Variants in ANKH observed in about 807,000 individuals in gnomAD.
ANKH encodes the protein ANKH inorganic pyrophosphate transport regulator.
A neutral mutation model predicts 49.0 loss-of-function variants in ANKH; 15 were observed. The observed-to-expected ratio is 0.31, with a 90% confidence interval of 0.20 to 0.47. ANKH has a LOEUF of 0.47. ANKH is among the 20% of genes least tolerant of loss of function. ANKH has a pLI of 1.00. For missense variants in ANKH, 429 were observed against 652.0 expected (o/e 0.66, Z 3.72); for synonymous variants, 273 against 260.0 (o/e 1.05, Z -0.48).
At chr5:14,853,256 G>A (rs958754309) in intron 1 of ANKH, among the ~76,000 whole-genome samples, 5 of 152,154 alleles carry the variant, frequency 3.3e-5, no homozygotes, top group Admixed American at 2.0e-4. Flanking sequence ...TGCATATACA[G>A]AATATCTAAA....
At chr5:14,774,563 G>A (rs1739552266) in intron 1 of ANKH, among the ~76,000 whole-genome samples, 1 of 151,932 alleles carries the variant, frequency 6.6e-6, no homozygotes, top group South Asian at 2.1e-4. Flanking sequence ...TCAGCCTCCC[G>A]AGTAGCTAGG....
intron 1 of ANKH, chr5:14,869,532 A>G (rs1329479086): frequency 1.3e-5 from 2 of 152,258 alleles, no homozygotes; most frequent in Non-Finnish European, 2.9e-5. Flanking sequence ...TACTTTGCTT[A>G]CATCAGCCAT....
In ANKH at chr5:14,751,067, AC is replaced by A; in HGVS notation, c.687+1del. 6.2e-7 allele frequency: 1 copy of A among 1,614,162 alleles called. No individual in the cohort carries two copies. ...AGACTGCTGTTGGGTTGGTAGACGT[AC>A]CCCCAGCTCCGGGCCACTTCTGTCA... On this transcript the variant is annotated splice_donor_variant, in intron 5 of 11. Transcript: ENST00000284268. LOFTEE classifies it high-confidence loss of function.
intron 1 of ANKH, among the ~76,000 whole-genome samples, chr5:14,790,309 A>C (rs1310846924): frequency 6.6e-6 from 1 of 152,244 alleles, no homozygotes; most frequent in East Asian, 1.9e-4. Flanking sequence ...TTGGAACTTA[A>C]GACTAGTCCC....
In ANKH at chr5:14,713,714, C is replaced by T. The variant is rs371127186; in HGVS notation, c.1142-47G>A. 10 of 1,611,790 alleles carry T rather than the reference C, an allele frequency of 6.2e-6. No individual in the cohort carries two copies. In the African/African-American group the frequency reaches 1.2e-4, roughly 19 times the overall value. On this transcript the variant is annotated intron_variant, in intron 9 of 11. Coordinates refer to ENST00000284268, the MANE Select transcript of ANKH (RefSeq NM_054027.6). The surrounding 1 kb of genome is among the most constrained non-coding windows in gnomAD (Gnocchi z 4.4). The stretch of plus-strand genomic sequence containing the variant: ...TCGTCAGCCGTGCCCGCCATCCACT[C>T]CCCATCCTGCTGCCTCTGGACCAGG...
chr5:14,748,507 A>C (rs1469343231), intron 6 of ANKH, among the ~76,000 whole-genome samples: 1 of 152,264 alleles, frequency 6.6e-6, no homozygotes, highest in Non-Finnish European at 1.5e-5. Flanking sequence ...GAGGAAGCCA[A>C]TGAAGTAATT....
intron 9 of ANKH, among the ~76,000 whole-genome samples, chr5:14,714,751 A>T (rs1737380244): frequency 6.6e-6 from 1 of 152,160 alleles, no homozygotes; most frequent in South Asian, 2.1e-4. Context: ...AACAGATTGC[A>T]AAGAGTGGCA....
intron 2 of ANKH, among the ~76,000 whole-genome samples, chr5:14,765,930 A>G (rs563310413): frequency 6.6e-5 from 10 of 152,340 alleles, no homozygotes; most frequent in African/African-American, 1.9e-4. Context: ...ATTATTAGTA[A>G]ATAGTGAAAA....
intron 1 of ANKH, among the ~76,000 whole-genome samples, chr5:14,790,580 T>A (rs1740130539): frequency 6.6e-6 from 1 of 152,260 alleles, no homozygotes; most frequent in African/African-American, 2.4e-5. Flanking sequence ...GTAAAATGTA[T>A]TTTAAAGAAA....
chr5:14,777,503 C>T (rs1225947429), intron 1 of ANKH, among the ~76,000 whole-genome samples: 2 of 152,178 alleles, frequency 1.3e-5, no homozygotes, highest in Admixed American at 1.3e-4. Flanking sequence ...CAGACATGAA[C>T]TGATCTCCCT....
chr5:14,729,676 A>T (rs1034304252), intron 8 of ANKH, among the ~76,000 whole-genome samples: 15 of 151,966 alleles, frequency 9.9e-5, no homozygotes, highest in Admixed American at 7.2e-4. Context: ...CACTGTAAAT[A>T]CTGAAACCGT....
At position 14,711,221 on chromosome 5, in the gene ANKH, CACGATGTCT is replaced by C. The variant is rs769388000; in HGVS notation, c.1446_1454del (p.Asp483_Val485del). The C allele has an allele frequency of 6.2e-7, 1 of 1,614,164 alleles. No individual in the cohort carries two copies. The highest frequency in any genetic ancestry group is 1.1e-5 in the South Asian group (1 of 91,080). ...CTTATTCATTCTCCTCTCTCATTTC[CACGATGTCT>C]GTCACCTCCTCTGTCGGAGGCATGT... On this transcript the variant is annotated inframe_deletion, in exon 12 of 12. Coordinates refer to ENST00000284268, the MANE Select transcript of ANKH (RefSeq NM_054027.6).
At chr5:14,798,425 C>T in intron 1 of ANKH, 1 of 1,545,794 alleles carries the variant, frequency 6.5e-7, no homozygotes. Context: ...CCGGGGGAAT[C>T]CTGGGGTCGA....
chr5:14,720,284 T>C (rs936467678), intron 8 of ANKH, among the ~76,000 whole-genome samples: 12 of 152,210 alleles, frequency 7.9e-5, no homozygotes, highest in African/African-American at 2.9e-4. Context: ...ACACCCCATC[T>C]TTGACATGAA....
chr5:14,786,605 A>C (rs1384088632), intron 1 of ANKH, among the ~76,000 whole-genome samples: 1 of 152,242 alleles, frequency 6.6e-6, no homozygotes, highest in Admixed American at 6.5e-5. Context: ...GCCTCAGCCA[A>C]AGTCAGAGAA....
intron 1 of ANKH, among the ~76,000 whole-genome samples, chr5:14,804,890 T>C (rs1194764029): frequency 6.6e-6 from 1 of 152,210 alleles, no homozygotes; most frequent in Non-Finnish European, 1.5e-5. Context: ...GTGAGTCTGA[T>C]GGCCTCTAAG....
chr5:14,714,860 C>T (rs982887814), intron 9 of ANKH, among the ~76,000 whole-genome samples: 1 of 152,242 alleles, frequency 6.6e-6, no homozygotes, highest in Non-Finnish European at 1.5e-5. Flanking sequence ...TAGCCTGCTC[C>T]CAGCTGGGGC....
At chr5:14,716,580 C>T in intron 9 of ANKH, 126 bp downstream of exon 9, 3 of 1,300,532 alleles carry the variant, frequency 2.3e-6, no homozygotes, top group Admixed American at 1.9e-5. Flanking sequence ...AATGTTTTTG[C>T]ATCTTTCTAA....
At chr5:14,786,980 C>T (rs544802183) in intron 1 of ANKH, among the ~76,000 whole-genome samples, 1 of 152,254 alleles carries the variant, frequency 6.6e-6, no homozygotes, top group South Asian at 2.1e-4. Flanking sequence ...GGTCACCCAC[C>T]AAACATGAAG....
Sources: gnomAD v4.1 joint callset for allele counts (sites outside exome capture counted in the v4.1 genomes callset) on GRCh38, gnomAD v4.1.1 for gene constraint, Gnocchi (gnomAD v3.1) non-coding constraint, MANE v1.5 for transcripts, NCBI Gene and HGNC (gene_info 2026-07-23, HGNC 2026-07-21) for gene names.